The following CHRDL1 variants were observed in gnomAD, a reference collection of about 807,000 sequenced individuals.
CHRDL1 encodes chordin-like protein 1.
Under a neutral mutation model 40.9 loss-of-function variants are expected in CHRDL1, and 19 were observed. The observed-to-expected ratio is 0.46, with a 90% CI of 0.32 to 0.68. CHRDL1 has a LOEUF of 0.68. CHRDL1 is among the 30% of genes least tolerant of loss of function. The pLI, the probability that CHRDL1 is intolerant of heterozygous loss-of-function variation, is 0.03. For synonymous variants in CHRDL1, 136 were observed against 123.4 expected (o/e 1.10, Z -0.68); for missense variants, 329 against 352.1 (o/e 0.93, Z 0.53).
intron 4 of CHRDL1, among the ~76,000 whole-genome samples, chrX:110,753,623 G>A (rs2089399387): frequency 9.0e-6 from 1 of 111,703 alleles, no homozygotes; most frequent in South Asian, 3.7e-4. Flanking sequence ...AAAAACTGGA[G>A]GAAACACAAA....
rs1486935240 is a variant in CHRDL1 at position 110,689,653 on chromosome X, TATC to T, written c.779-853_779-851del. 4.5e-4 allele frequency among the ~76,000 whole-genome samples: 17 copies of T among 37,721 alleles called. 1 individual carries two copies. The highest frequency in any genetic ancestry group is 6.5e-4 in the African/African-American group (2 of 3,094). 32.8% of individuals were successfully genotyped at this position (37,721 alleles called of 115,157 possible). A position where few individuals can be genotyped will look rare whatever the true frequency, so the allele number is the denominator to read the frequency against. ...ATCTATATATCTATATATATCTATA[TATC>T]ATCTATATATCTATATATCTATATA... On this transcript the variant is annotated intron_variant, in intron 8 of 11. Transcript: ENST00000372042.
At chrX:110,734,066 G>A (rs1156560281) in intron 4 of CHRDL1, among the ~76,000 whole-genome samples, 1 of 111,371 alleles carries the variant, frequency 9.0e-6, no homozygotes, top group Non-Finnish European at 1.9e-5. Flanking sequence ...CTAGAGGCAA[G>A]GTGATTCTTC....
In CHRDL1 at chrX:110,759,747, T is replaced by C. The variant is rs1442875432; in HGVS notation, c.215A>G (p.Asn72Ser). Reference protein sequence around the residue: ...CVNCICSENGNVLCSRVRCPN... With the variant: ...CVNCICSENGSVLCSRVRCPN... Reference sequence around the variant, plus strand: ...ACATCTGACTCGGCTGCAAAGCACATTCCCATTCTGAAAAAGAGAAGGCAA... The same window carrying C: ...ACATCTGACTCGGCTGCAAAGCACACTCCCATTCTGAAAAAGAGAAGGCAA... Residue 72 changes from asparagine (N) to serine (S), a missense_variant, in exon 4 of 12, where the codon AAT (asparagine) becomes AGT (serine). Physicochemically the swap from Asn to Ser is conservative, Grantham distance 46. Transcript: ENST00000372042. 2 of 1,187,119 alleles carry C rather than the reference T, an allele frequency of 1.7e-6. No homozygotes were observed. Among genetic ancestry groups the C allele is most frequent in the Admixed American group, 2.2e-5 (1 of 45,938 alleles).
intron 11 of CHRDL1, among the ~76,000 whole-genome samples, chrX:110,677,130 C>A (rs1267728705): frequency 9.0e-6 from 1 of 111,179 alleles, no homozygotes; most frequent in Non-Finnish European, 1.9e-5. Context: ...TAAGCCAACT[C>A]CTCTTAAGCC....
At chrX:110,700,777 T>C in intron 6 of CHRDL1, 56 bp from the exon 7 acceptor site, 1 of 827,426 alleles carries the variant, frequency 1.2e-6, no homozygotes. Flanking sequence ...GGGAAAGTTA[T>C]CACCCTTGTG....
At chrX:110,722,789 A>G (rs1401153236) in intron 4 of CHRDL1, among the ~76,000 whole-genome samples, 1 of 111,828 alleles carries the variant, frequency 8.9e-6, no homozygotes, top group Non-Finnish European at 1.9e-5. Context: ...GAGCTTGGAA[A>G]GTGCCTGCCA....
intron 1 of CHRDL1, among the ~76,000 whole-genome samples, chrX:110,794,294 A>G (rs1256688820): frequency 1.8e-5 from 2 of 112,210 alleles, no homozygotes; most frequent in Non-Finnish European, 3.8e-5. Flanking sequence ...ACTTTGACCC[A>G]GTTAACTGGA....
intron 4 of CHRDL1, among the ~76,000 whole-genome samples, chrX:110,747,056 C>T (rs763359714): frequency 9.1e-6 from 1 of 110,484 alleles, no homozygotes; most frequent in Admixed American, 9.6e-5. Context: ...TGCCTTCCTC[C>T]CCCCATGATA....
At chrX:110,758,114 A>G (rs1196254653) in intron 4 of CHRDL1, among the ~76,000 whole-genome samples, 3 of 106,319 alleles carry the variant, frequency 2.8e-5, no homozygotes, top group Non-Finnish European at 5.8e-5. Flanking sequence ...AAAACAAAAA[A>G]CAAAAAACAA....
chrX:110,768,917 C>A (rs753646431), intron 2 of CHRDL1, among the ~76,000 whole-genome samples: 50 of 111,233 alleles, frequency 4.5e-4, no homozygotes, highest in Non-Finnish European at 8.5e-4. Flanking sequence ...TTCTGTCCCT[C>A]TAGAGAACCC....
At chrX:110,711,922 C>A (rs2070753042) in intron 6 of CHRDL1, among the ~76,000 whole-genome samples, 1 of 111,873 alleles carries the variant, frequency 8.9e-6, no homozygotes, top group Non-Finnish European at 1.9e-5. Context: ...AAAGTGACTT[C>A]CATTTTCTCC....
intron 6 of CHRDL1, among the ~76,000 whole-genome samples, chrX:110,714,099 C>A (rs197032): frequency 0.069 from 7,609 of 109,959 alleles, 681 homozygotes; most frequent in African/African-American, 0.24. Flanking sequence ...AAGTCTGTTA[C>A]ATAGGTAAAC....
Position 110,794,224 on chromosome X carries a change from C to T in CHRDL1, c.-35+1520G>A, listed in dbSNP as rs751202198. Among the ~76,000 whole-genome samples, 9 of 111,943 alleles carry T rather than the reference C, an allele frequency of 8.0e-5. No individual in the cohort carries two copies. In the South Asian group the frequency reaches 3.0e-3, roughly 38 times the overall value. On this transcript the variant is annotated intron_variant, in intron 1 of 11. Transcript: ENST00000372042. ...GTAAACACTAGCAAGCATTGCTCAG[C>T]GAACTTAGCCGACTCTTATTCTTGC... is the stretch of plus-strand genomic sequence containing the variant.
At chrX:110,732,269 T>TG (rs1366819640) in intron 4 of CHRDL1, among the ~76,000 whole-genome samples, 2 of 110,282 alleles carry the variant, frequency 1.8e-5, no homozygotes, top group African/African-American at 6.6e-5. Context: ...GAGGGGGTGA[T>TG]GGGGGGAAGA....
intron 4 of CHRDL1, among the ~76,000 whole-genome samples, chrX:110,727,142 G>GCCAAT (rs1401978067): frequency 1.1e-3 from 124 of 112,051 alleles, no homozygotes; most frequent in Middle Eastern, 4.6e-3. Context: ...AATGTTAAGT[G>GCCAAT]GGGAGGAGTA....
chrX:110,760,796 T>C (rs752158630), intron 3 of CHRDL1, among the ~76,000 whole-genome samples: 2 of 111,800 alleles, frequency 1.8e-5, no homozygotes, highest in South Asian at 7.6e-4. Context: ...TTGTGTACTT[T>C]CTAGAATAAT....
At chrX:110,731,271 A>G (rs1160962159) in intron 4 of CHRDL1, among the ~76,000 whole-genome samples, 2 of 111,932 alleles carry the variant, frequency 1.8e-5, no homozygotes, top group South Asian at 7.6e-4. Context: ...GGGGAATCCT[A>G]CAATGAGATA....
chrX:110,772,157 G>A (rs752673630), intron 2 of CHRDL1, among the ~76,000 whole-genome samples: 35 of 111,660 alleles, frequency 3.1e-4, no homozygotes, highest in African/African-American at 1.0e-3. Context: ...TGGATTGAAA[G>A]ATACAAAATT....
chrX:110,790,280 T>C (rs1260700779), intron 2 of CHRDL1, among the ~76,000 whole-genome samples: 2 of 112,210 alleles, frequency 1.8e-5, no homozygotes, highest in Admixed American at 9.4e-5. Context: ...GGACCAGATC[T>C]GGTGCCCTAG....
Sources: gnomAD v4.1 joint callset for allele counts (sites outside exome capture counted in the v4.1 genomes callset) on GRCh38, gnomAD v4.1.1 for gene constraint, MANE v1.5 for transcripts, NCBI Gene and HGNC (gene_info 2026-07-23, HGNC 2026-07-21) for gene names.